Variants in ADGRG6 observed in about 807,000 individuals in gnomAD.
ADGRG6 encodes G-protein coupled receptor 126.
In ADGRG6, 84 loss-of-function variants were observed where a neutral mutation model predicts 142.4. The observed-to-expected ratio is 0.59, with a 90% CI of 0.49 to 0.71. ADGRG6 has a LOEUF of 0.71. Among genes scored for constraint, ADGRG6 ranks in the 30% least tolerant of loss-of-function variants. The probability of loss-of-function intolerance (pLI) is 0.00; values close to 1 mark genes in which losing one functional copy is unlikely to be tolerated. For synonymous variants in ADGRG6, 521 were observed against 520.5 expected (o/e 1.00, Z -0.01); for missense variants, 1,367 against 1,466.6 (o/e 0.93, Z 1.11).
At chr6:142,395,240 G>A (rs1775115287) in intron 9 of ADGRG6, among the ~76,000 whole-genome samples, 1 of 152,076 alleles carries the variant, frequency 6.6e-6, no homozygotes, top group South Asian at 2.1e-4. Flanking sequence ...AAACACAGTA[G>A]TATATTTCAG....
At chr6:142,375,743 A>ATTTGT (rs949142630) in intron 4 of ADGRG6, among the ~76,000 whole-genome samples, 1 of 152,208 alleles carries the variant, frequency 6.6e-6, no homozygotes, top group Admixed American at 6.5e-5. Flanking sequence ...TTCAGGATTA[A>ATTTGT]TTTGTGATGG....
chr6:142,394,494 A>G lies in ADGRG6; in HGVS notation c.1424+536A>G, dbSNP rs1307418808. On this transcript the variant is annotated intron_variant, in intron 9 of 24. Coordinates refer to ENST00000367609, the MANE Select transcript of ADGRG6 (RefSeq NM_198569.3). ...AAGGACCAAATGTTCAGAGTACTGT[A>G]AAACAAACAAAAAAACCCTAAATTT... Among the ~76,000 whole-genome samples, 6 of 152,058 alleles carry G rather than the reference A, an allele frequency of 3.9e-5. 1 individual carries two copies. In the East Asian group the frequency reaches 1.2e-3, roughly 29 times the overall value.
rs190118636 is a variant in ADGRG6 at position 142,350,963 on chromosome 6, C to T, written c.104-16606C>T. Among the ~76,000 whole-genome samples, 1,203 of 152,222 alleles carry T rather than the reference C, an allele frequency of 7.9e-3. 5 individuals are homozygous for T. Among genetic ancestry groups the T allele is most frequent in the Admixed American group, 0.011 (167 of 15,286 alleles). On this transcript the variant is annotated intron_variant, in intron 2 of 24. Coordinates refer to ENST00000367609, the MANE Select transcript of ADGRG6 (RefSeq NM_198569.3). The stretch of plus-strand genomic sequence containing the variant: ...CAAAAAGAGCAAAGTAGGCTGGGCA[C>T]GGTGGCTCACACCTGTAATCCCAGC...
intron 2 of ADGRG6, among the ~76,000 whole-genome samples, chr6:142,347,935 T>A (rs955532632): frequency 3.3e-5 from 5 of 152,194 alleles, no homozygotes; most frequent in African/African-American, 1.2e-4. Flanking sequence ...CAAACTACCA[T>A]GTTTTTTCTG....
At chr6:142,424,113 C>A (rs1357762574) in intron 22 of ADGRG6, among the ~76,000 whole-genome samples, 4 of 108,906 alleles carry the variant, frequency 3.7e-5, no homozygotes, top group Non-Finnish European at 7.8e-5. Flanking sequence ...ATGTCATCTG[C>A]AAACAGGGAC....
chr6:142,440,882 T>TAGATATTCA (rs1488758441), intron 24 of ADGRG6: 1 of 1,194,298 alleles, frequency 8.4e-7, no homozygotes, highest in Non-Finnish European at 1.2e-6. Context: ...GGAATTGATC[T>TAGATATTCA]AGATATTCAT....
intron 6 of ADGRG6, among the ~76,000 whole-genome samples, chr6:142,385,065 G>T (rs1031470969): frequency 1.3e-5 from 2 of 151,894 alleles, no homozygotes; most frequent in Non-Finnish European, 2.9e-5. Flanking sequence ...TTCACTCTTT[G>T]TATGAACATA....
chr6:142,403,652 T>G, intron 13 of ADGRG6, 150 bp from the exon 14 acceptor site: 3 of 545,618 alleles, frequency 5.5e-6, no homozygotes, highest in Non-Finnish European at 6.3e-6. Context: ...TCACTGTGGA[T>G]TGGGGTAATT....
chr6:142,334,305 G>A (rs1779206301), intron 2 of ADGRG6, among the ~76,000 whole-genome samples: 1 of 152,112 alleles, frequency 6.6e-6, no homozygotes. Flanking sequence ...GACAAGAGAA[G>A]GAAAAACAAA....
chr6:142,392,527 A>G lies in ADGRG6; in HGVS notation c.1309-421A>G, dbSNP rs183952015. 3.2e-3 allele frequency among the ~76,000 whole-genome samples: 485 copies of G among 152,160 alleles called. 1 individual carries two copies. The highest frequency in any genetic ancestry group is 5.3e-3 in the Non-Finnish European group (360 of 67,900). On this transcript the variant is annotated intron_variant, in intron 7 of 24. Coordinates refer to ENST00000367609, the MANE Select transcript of ADGRG6 (RefSeq NM_198569.3). ...ATCTTAGTGTTGTTAAATGAAGAATAGAGAAGATATTTATTGCAAATCTTC... is the reference window on the plus strand; with the variant it reads ...ATCTTAGTGTTGTTAAATGAAGAATGGAGAAGATATTTATTGCAAATCTTC...
At chr6:142,377,521 C>A (rs534192898) in intron 4 of ADGRG6, among the ~76,000 whole-genome samples, 21 of 152,314 alleles carry the variant, frequency 1.4e-4, no homozygotes. Flanking sequence ...ATTCTCCGGG[C>A]GCCCCTTTTT....
At chr6:142,429,919 G>C (rs995900206) in intron 22 of ADGRG6, among the ~76,000 whole-genome samples, 1 of 152,026 alleles carries the variant, frequency 6.6e-6, no homozygotes, top group Non-Finnish European at 1.5e-5. Context: ...TAGGTGTAGT[G>C]GTGTGGCTGT....
At chr6:142,309,690 T>C in intron 2 of ADGRG6, 46 bp downstream of exon 2, 2 of 1,207,942 alleles carry the variant, frequency 1.7e-6, no homozygotes, top group Non-Finnish European at 2.4e-6. Flanking sequence ...CATGATGACA[T>C]TGTCTGCAGT....
rs555263325 is a variant in ADGRG6 at position 142,335,933 on chromosome 6, T to C, written c.103+26289T>C. 1.6e-3 allele frequency among the ~76,000 whole-genome samples: 243 copies of C among 152,238 alleles called. 1 individual carries two copies. Among genetic ancestry groups the C allele is most frequent in the Non-Finnish European group, 3.1e-3 (209 of 68,008 alleles). On this transcript the variant is annotated intron_variant, in intron 2 of 24. Coordinates refer to ENST00000367609, the MANE Select transcript of ADGRG6 (RefSeq NM_198569.3). ...TAAGAAGTAAGAAAAAAATGTGAGA[T>C]GGAAGTTTCCATGGGGGATGTGAAC...
At position 142,382,018 on chromosome 6, in the gene ADGRG6, AG is replaced by A. The variant is rs1781794555; in HGVS notation, c.1138+1del. 1 of 1,588,736 alleles carries A rather than the reference AG, an allele frequency of 6.3e-7. No homozygotes were observed. Among genetic ancestry groups the A allele is most frequent in the Non-Finnish European group, 8.6e-7 (1 of 1,161,332 alleles). On this transcript the variant is annotated frameshift_variant and splice_region_variant, in exon 5 of 25. Transcript: ENST00000367609. LOFTEE classifies it high-confidence loss of function. Reference sequence around the variant, plus strand: ...GTGCAGACCTGGGGACCCTCTGTCAAGGTAGGGAGCCCACACCGTGCTCTGG... The same window carrying A: ...GTGCAGACCTGGGGACCCTCTGTCAAGTAGGGAGCCCACACCGTGCTCTGG... ...SCADLGTLCQ[A>X]TVNSPSTTPP...
chr6:142,428,352 CTGTT>C (rs1777053441), intron 22 of ADGRG6, among the ~76,000 whole-genome samples: 1 of 151,910 alleles, frequency 6.6e-6, no homozygotes, highest in Non-Finnish European at 1.5e-5. Flanking sequence ...TTGTTACTAT[CTGTT>C]TGATTATAAA....
chr6:142,336,468 G>T (rs994037925), intron 2 of ADGRG6, among the ~76,000 whole-genome samples: 2 of 152,086 alleles, frequency 1.3e-5, no homozygotes, highest in African/African-American at 4.8e-5. Context: ...TTGCTCTCTG[G>T]GGTTGTGTCT....
intron 6 of ADGRG6, among the ~76,000 whole-genome samples, chr6:142,388,532 T>C (rs1324651321): frequency 1.3e-5 from 2 of 152,014 alleles, no homozygotes; most frequent in Admixed American, 6.6e-5. Flanking sequence ...ATATCAAAAG[T>C]CAAAAATACA....
At chr6:142,402,973 G>A (rs909880627) in intron 13 of ADGRG6, 143 bp downstream of exon 13, 1 of 462,668 alleles carries the variant, frequency 2.2e-6, no homozygotes, top group African/African-American at 2.0e-5. Flanking sequence ...AGTGAAGCAA[G>A]GTCATTCACA....
Sources: gnomAD v4.1 joint callset for allele counts (sites outside exome capture counted in the v4.1 genomes callset) on GRCh38, gnomAD v4.1.1 for gene constraint, MANE v1.5 for transcripts, NCBI Gene and HGNC (gene_info 2026-07-23, HGNC 2026-07-21) for gene names.